NT5M: variants seen among roughly 807,000 people sequenced by gnomAD.
The protein encoded by NT5M is 5'(3')-deoxyribonucleotidase, mitochondrial.
Under a neutral mutation model 22.2 loss-of-function variants are expected in NT5M, and 22 were observed. The ratio of observed to expected loss-of-function variants is 0.99; its 90% CI spans 0.71 to 1.41. The LOEUF is 1.41. Ranked by LOEUF, NT5M falls within the 40% of genes most tolerant of loss-of-function variation. The pLI is 0.00. For synonymous variants in NT5M, 167 were observed against 133.0 expected, an observed-to-expected ratio of 1.26 and a Z score of -1.76; for missense variants, 322 against 314.8, an observed-to-expected ratio of 1.02 and a Z score of -0.17.
chr17:17,347,227 G>A lies in NT5M; in HGVS notation c.*280G>A. 2.2e-6 allele frequency: 1 copy of A among 463,064 alleles called. No homozygotes were observed. Among genetic ancestry groups the A allele is most frequent in the South Asian group, 2.8e-5 (1 of 35,910 alleles). 28.7% of individuals were successfully genotyped at this position (463,064 alleles called of 1,614,324 possible). A position where few individuals can be genotyped will look rare whatever the true frequency, so the allele number is the denominator to read the frequency against. On this transcript the variant is annotated 3_prime_UTR_variant, in exon 5 of 5. Transcript: ENST00000389022. ...AGCTGCCAGAAGCCCAGGGGCTCAG[G>A]ACAGGGAGGAGTTGAGGCCACTGTT...
At chr17:17,310,866 G>A (rs2048909376) in intron 2 of NT5M, among the ~76,000 whole-genome samples, 1 of 152,036 alleles carries the variant, frequency 6.6e-6, no homozygotes, top group Non-Finnish European at 1.5e-5. Flanking sequence ...TGTCTAAAAA[G>A]AAAAAGATTC....
intron 3 of NT5M, among the ~76,000 whole-genome samples, chr17:17,332,162 G>A (rs886539917): frequency 1.3e-5 from 2 of 152,114 alleles, no homozygotes; most frequent in Non-Finnish European, 2.9e-5. Flanking sequence ...ACCTGTCTTG[G>A]GATCTGCTCA....
Position 17,344,801 on chromosome 17 carries a change from G to C in NT5M, c.437G>C (p.Trp146Ser). 6.2e-7 allele frequency: 1 copy of C among 1,614,100 alleles called. No homozygotes were observed. Among genetic ancestry groups the C allele is most frequent in the Non-Finnish European group, 8.5e-7 (1 of 1,179,958 alleles). Reference protein sequence around the residue: ...FKYCPYEKYAWVEKYFGPDFL... With the variant: ...FKYCPYEKYASVEKYFGPDFL... ...TTGCCTGTTTGCGTCCAGTATGCCT[G>C]GGTGGAGAAGTACTTTGGCCCTGAC... The change falls in exon 4 of 5, where the codon TGG (tryptophan) becomes TCG (serine). Residue 146 changes from tryptophan (W) to serine (S), a missense_variant. By Grantham distance (177) the Trp-to-Ser change is radical. Coordinates refer to ENST00000389022, the MANE Select transcript of NT5M (RefSeq NM_020201.4).
chr17:17,323,223 T>G lies in NT5M; in HGVS notation c.407T>G (p.Phe136Cys), dbSNP rs1567889828. The change falls in exon 3 of 5, where the codon TTC (phenylalanine) becomes TGC (cysteine). Residue 136 changes from phenylalanine to cysteine, a missense_variant. Phe to Cys is a radical substitution (Grantham distance 205). Coordinates refer to ENST00000389022, the MANE Select transcript of NT5M (RefSeq NM_020201.4). ...ATCTGCACAAGCCCCATCAAGATGT[T>G]CAAGTACTGTCCCTATGAGAAGGTA... ...VFICTSPIKMFKYCPYEKYAW... is the reference protein window; with the variant it reads ...VFICTSPIKMCKYCPYEKYAW... 1.2e-6 allele frequency: 2 copies of G among 1,614,046 alleles called. No individual in the cohort carries two copies. Among genetic ancestry groups the G allele is most frequent in the East Asian group, 4.5e-5 (2 of 44,874 alleles).
intron 2 of NT5M, among the ~76,000 whole-genome samples, chr17:17,310,947 T>A (rs2145328591): frequency 6.6e-6 from 1 of 151,790 alleles, no homozygotes; most frequent in South Asian, 2.1e-4. Context: ...TCACCTGAGG[T>A]CAGGAGTTCA....
At chr17:17,305,873 T>C (rs2048790561) in intron 1 of NT5M, among the ~76,000 whole-genome samples, 1 of 152,114 alleles carries the variant, frequency 6.6e-6, no homozygotes, top group Non-Finnish European at 1.5e-5. Flanking sequence ...TCAGCTGCTG[T>C]TTTGCTGTGT....
chr17:17,326,280 G>A (rs2049264106), intron 3 of NT5M, among the ~76,000 whole-genome samples: 1 of 152,224 alleles, frequency 6.6e-6, no homozygotes, highest in Admixed American at 6.5e-5. Context: ...CATTTACCAG[G>A]TCTGACGCTT....
chr17:17,319,321 A>G (rs1344000798), intron 2 of NT5M, among the ~76,000 whole-genome samples: 1 of 151,976 alleles, frequency 6.6e-6, no homozygotes, highest in Non-Finnish European at 1.5e-5. Context: ...CTTAATGGGA[A>G]TGGGGCTTCT....
chr17:17,346,318 G>C (rs1291474624), intron 4 of NT5M, among the ~76,000 whole-genome samples: 1 of 152,240 alleles, frequency 6.6e-6, no homozygotes, highest in African/African-American at 2.4e-5. Context: ...GTGTGGACAC[G>C]AGGGAATGAG....
intron 3 of NT5M, among the ~76,000 whole-genome samples, chr17:17,324,623 C>T (rs2049228159): frequency 6.6e-6 from 1 of 152,052 alleles, no homozygotes; most frequent in South Asian, 2.1e-4. Context: ...CCCACTGTTT[C>T]ATCATGTCCT....
chr17:17,308,128 A>G (rs545592156), intron 2 of NT5M, among the ~76,000 whole-genome samples: 1 of 152,328 alleles, frequency 6.6e-6, no homozygotes, highest in East Asian at 1.9e-4. Context: ...GGGAAACTTC[A>G]TTTAGAAAAA....
chr17:17,337,044 C>G (rs1297482798), intron 3 of NT5M, among the ~76,000 whole-genome samples: 1 of 151,998 alleles, frequency 6.6e-6, no homozygotes, highest in Non-Finnish European at 1.5e-5. Flanking sequence ...TTCAGAGGAA[C>G]TGCCATTATA....
chr17:17,310,420 T>G (rs543064496), intron 2 of NT5M, among the ~76,000 whole-genome samples: 2 of 152,104 alleles, frequency 1.3e-5, no homozygotes, highest in Non-Finnish European at 2.9e-5. Context: ...AAAAGTAAGT[T>G]ATCCTGTGCC....
intron 3 of NT5M, among the ~76,000 whole-genome samples, chr17:17,334,203 G>A (rs2049449152): frequency 6.6e-6 from 1 of 152,046 alleles, no homozygotes; most frequent in Non-Finnish European, 1.5e-5. Flanking sequence ...CTGACGTCAA[G>A]TGATCCACCT....
chr17:17,323,594 C>CA (rs2049201190), intron 3 of NT5M, among the ~76,000 whole-genome samples: 1 of 152,220 alleles, frequency 6.6e-6, no homozygotes, highest in Non-Finnish European at 1.5e-5. Context: ...GCTGTATACT[C>CA]ACTTTATTAT....
chr17:17,312,414 G>A (rs957104832), intron 2 of NT5M, among the ~76,000 whole-genome samples: 2 of 152,030 alleles, frequency 1.3e-5, no homozygotes, highest in Non-Finnish European at 2.9e-5. Context: ...GGCCAAGGTG[G>A]GCAGATCACC....
chr17:17,326,308 T>C (rs924150688), intron 3 of NT5M, among the ~76,000 whole-genome samples: 5 of 152,188 alleles, frequency 3.3e-5, no homozygotes, highest in Non-Finnish European at 7.3e-5. Flanking sequence ...CAGTGAGGCC[T>C]GCTCCGGGTC....
At chr17:17,323,083 G>C (rs2145373679) in intron 2 of NT5M, 102 bp from the exon 3 acceptor site, 1 of 911,916 alleles carries the variant, frequency 1.1e-6, no homozygotes, top group African/African-American at 1.6e-5. Context: ...GAAGGGTTCA[G>C]ACTCAGAGGG....
chr17:17,330,312 A>C (rs12602003), intron 3 of NT5M, among the ~76,000 whole-genome samples: 2 of 146,662 alleles, frequency 1.4e-5, no homozygotes, highest in Non-Finnish European at 3.0e-5. Context: ...AAAAAAAAAC[A>C]AAAAAAAAAC....
Sources: allele counts gnomAD v4.1 joint callset (sites outside exome capture counted in the v4.1 genomes callset), GRCh38; gene constraint gnomAD v4.1.1; transcripts MANE v1.5; gene names NCBI Gene and HGNC (gene_info 2026-07-23, HGNC 2026-07-21).